The following HIF1AN variants were observed in gnomAD, a reference collection of about 807,000 sequenced individuals.
The protein encoded by HIF1AN is hypoxia inducible factor 1 subunit alpha inhibitor, also known as hypoxia-inducible factor 1-alpha inhibitor.
HIF1AN carries 21 observed loss-of-function variants against 47.7 expected under a neutral mutation model. That is an observed-to-expected ratio of 0.44 (90% CI 0.31 to 0.63). The LOEUF is 0.63. Ranked by LOEUF, HIF1AN falls within the 30% of genes least tolerant of loss-of-function variation. The probability of loss-of-function intolerance (pLI) is 0.07; values close to 1 mark genes in which losing one functional copy is unlikely to be tolerated. For synonymous variants in HIF1AN, 152 were observed against 155.9 expected, an observed-to-expected ratio of 0.98 and a Z score of 0.18; for missense variants, 320 against 432.7, an observed-to-expected ratio of 0.74 and a Z score of 2.31.
At chr10:100,540,916 A>G in intron 3 of HIF1AN, 134 bp downstream of exon 3, 2 of 841,242 alleles carry the variant, frequency 2.4e-6, no homozygotes, top group South Asian at 4.0e-5. Context: ...ACTCAGCTCT[A>G]AAAGAAACAT....
intron 6 of HIF1AN, 83 bp downstream of exon 6, chr10:100,546,664 G>T (rs1417215235): frequency 1.0e-5 from 10 of 1,001,144 alleles, no homozygotes; most frequent in Non-Finnish European, 1.6e-5. Context: ...TTTTGGATGG[G>T]ATGGTTGACT....
At chr10:100,541,175 C>T (rs1488067710) in intron 3 of HIF1AN, among the ~76,000 whole-genome samples, 3 of 152,030 alleles carry the variant, frequency 2.0e-5, no homozygotes, top group Admixed American at 6.5e-5. Context: ...GCCAAGATCA[C>T]GCCACTGCAC....
rs1278934915 is a variant in HIF1AN, at chr10:100,547,438, T to A, written c.1005+188T>A. On this transcript the variant is annotated intron_variant, in intron 7 of 7. Transcript: ENST00000299163. The stretch of plus-strand genomic sequence containing the variant: ...GGCTTGACTGGCAGATCAATTATAA[T>A]TAGTTCCATGCTAGTAGTAATGTTC... Among the ~76,000 whole-genome samples, 3 of 152,352 alleles carry A rather than the reference T, an allele frequency of 2.0e-5. No individual in the cohort carries two copies. The East Asian group carries it at 5.8e-4, about 29-fold the overall frequency.
chr10:100,550,361 C>T lies in HIF1AN; in HGVS notation c.*2224C>T, dbSNP rs1294319422. On this transcript the variant is annotated 3_prime_UTR_variant, in exon 8 of 8. Coordinates refer to ENST00000299163, the MANE Select transcript of HIF1AN (RefSeq NM_017902.3). ...TGTGCCTAGTGCTTTTCTCTTTGTT[C>T]CTCACTATCCTGCAAGGTAGGTATT... The T allele has an allele frequency of 6.6e-6, 1 of 152,156 alleles. No homozygotes were observed. Among genetic ancestry groups the T allele is most frequent in the Admixed American group, 6.5e-5 (1 of 15,276 alleles). 9.4% of individuals were successfully genotyped at this position (152,156 alleles called of 1,614,324 possible).
rs993141377 is a variant in HIF1AN, at chr10:100,556,439, G to A, written c.*8302G>A. 4 of 152,284 alleles carry A rather than the reference G, an allele frequency of 2.6e-5. No individual in the cohort carries two copies. Among genetic ancestry groups the A allele is most frequent in the African/African-American group, 9.7e-5 (4 of 41,444 alleles). The allele number at this position is 152,284 out of a possible 1,614,324, so 9.4% of individuals were successfully genotyped here. ...GAAGGCAAGAAGGAGACCCTGGGAT[G>A]TGCACAAGGATGCAGGAGACGAGAT... On this transcript the variant is annotated 3_prime_UTR_variant, in exon 8 of 8. Coordinates refer to ENST00000299163, the MANE Select transcript of HIF1AN (RefSeq NM_017902.3).
chr10:100,540,528 TG>T, intron 2 of HIF1AN, 105 bp from the exon 3 acceptor site: 1 of 1,245,590 alleles, frequency 8.0e-7, no homozygotes, highest in Non-Finnish European at 1.1e-6. Flanking sequence ...CTGTTCTCTG[TG>T]GGAGATGCTG....
In HIF1AN at chr10:100,555,105, A is replaced by T. The variant is rs1044078208; in HGVS notation, c.*6968A>T. On this transcript the variant is annotated 3_prime_UTR_variant, in exon 8 of 8. Coordinates refer to ENST00000299163, the MANE Select transcript of HIF1AN (RefSeq NM_017902.3). ...ATGTGGAAGATGAATAATTAACCAG[A>T]GGTTGGGGGATTTCCCCCTTAGCTT... 3.1e-4 allele frequency: 47 copies of T among 152,318 alleles called. No individual in the cohort carries two copies. The highest frequency in any genetic ancestry group is 1.1e-3 in the African/African-American group (45 of 41,560). 9.4% of individuals were successfully genotyped at this position (152,318 alleles called of 1,614,324 possible).
chr10:100,545,298 C>T (rs560559421), intron 4 of HIF1AN: 2 of 522,880 alleles, frequency 3.8e-6, no homozygotes, highest in Admixed American at 3.5e-5. Context: ...GTAAGTATAA[C>T]TAGCCCCACA....
In HIF1AN at chr10:100,547,159, G is replaced by T; in HGVS notation, c.914G>T (p.Arg305Ile). ...TTGTAGGGGGCTCCCACCCCTAAGA[G>T]AATTGAATATCCTCTCAAAGCTCAT... ...FWYKGAPTPK[R>I]IEYPLKAHQK... The change falls in exon 7 of 8, where the codon AGA (arginine) becomes ATA (isoleucine). Residue 305 changes from arginine (R) to isoleucine (I), a missense_variant. By Grantham distance (97) the Arg-to-Ile change is moderately conservative. Coordinates refer to ENST00000299163, the MANE Select transcript of HIF1AN (RefSeq NM_017902.3). 6.2e-7 allele frequency: 1 copy of T among 1,613,746 alleles called. No homozygotes were observed. Among genetic ancestry groups the T allele is most frequent in the African/African-American group, 1.3e-5 (1 of 75,038 alleles).
intron 6 of HIF1AN, 73 bp from the exon 7 acceptor site, chr10:100,547,067 G>C (rs1843101073): frequency 9.5e-7 from 1 of 1,053,082 alleles, no homozygotes; most frequent in Admixed American, 2.1e-5. Context: ...AAGGGAGGAT[G>C]GTACTAAGAA....
chr10:100,547,714 T>C (rs1301574482), intron 7 of HIF1AN, among the ~76,000 whole-genome samples: 2 of 152,198 alleles, frequency 1.3e-5, no homozygotes, highest in Non-Finnish European at 2.9e-5. Context: ...TGTTGGGAGA[T>C]AGCATCAGCC....
chr10:100,549,059 TGC>T lies in HIF1AN; in HGVS notation c.*924_*925del, dbSNP rs1194314936. 45 of 117,054 alleles carry T rather than the reference TGC, an allele frequency of 3.8e-4. No individual in the cohort carries two copies. The highest frequency in any genetic ancestry group is 4.8e-4 in the East Asian group (2 of 4,156). 7.3% of individuals were successfully genotyped at this position (117,054 alleles called of 1,614,324 possible). On this transcript the variant is annotated 3_prime_UTR_variant, in exon 8 of 8. Coordinates refer to ENST00000299163, the MANE Select transcript of HIF1AN (RefSeq NM_017902.3). ...AAGCCTCTGGGTGTGTGTGTGTGTG[TGC>T]GTGCGTGTGTGTGTGTGTGTCCGTG...
rs1843209517 is a variant in HIF1AN at position 100,555,734 on chromosome 10, C to T, written c.*7597C>T. On this transcript the variant is annotated 3_prime_UTR_variant, in exon 8 of 8. Transcript: ENST00000299163. ...GGCCTTGGAAACCTTCTCTTTGGCT[C>T]TAGCTAATTTTGCTGTTTTATTCCG... is the stretch of plus-strand genomic sequence containing the variant. The T allele has an allele frequency of 1.3e-5, 2 of 152,286 alleles. No individual in the cohort carries two copies. The highest frequency in any genetic ancestry group is 2.1e-4 in the South Asian group (1 of 4,834). The allele number at this position is 152,286 out of a possible 1,614,324, so 9.4% of individuals were successfully genotyped here.
rs929612233 is a variant in HIF1AN at position 100,551,394 on chromosome 10, T to C, written c.*3257T>C. On this transcript the variant is annotated 3_prime_UTR_variant, in exon 8 of 8. Coordinates refer to ENST00000299163, the MANE Select transcript of HIF1AN (RefSeq NM_017902.3). The stretch of plus-strand genomic sequence containing the variant: ...GAGACAGAGAGGGGAAGGATCCTTA[T>C]CAGTGGGCCAGCCCAGTATGGGGAG... 1 of 152,228 alleles carries C rather than the reference T, an allele frequency of 6.6e-6. No homozygotes were observed. The highest frequency in any genetic ancestry group is 2.4e-5 in the African/African-American group (1 of 41,462). The allele number at this position is 152,228 out of a possible 1,614,324, so 9.4% of individuals were successfully genotyped here.
chr10:100,539,298 T>C (rs1352139731), intron 2 of HIF1AN, among the ~76,000 whole-genome samples: 1 of 152,094 alleles, frequency 6.6e-6, no homozygotes, highest in Non-Finnish European at 1.5e-5. Context: ...TTTTTTAGGT[T>C]TGCACACTTA....
chr10:100,559,219 G>A lies in HIF1AN; in HGVS notation c.*11082G>A, dbSNP rs1843238513. ...TAAGTACTTGATCAGGTTTTGTCTT[G>A]GTCAGATAAATTAAGTACTTAAGGA... On this transcript the variant is annotated 3_prime_UTR_variant, in exon 8 of 8. Transcript: ENST00000299163. 1 of 151,782 alleles carries A rather than the reference G, an allele frequency of 6.6e-6. No individual in the cohort carries two copies. Among genetic ancestry groups the A allele is most frequent in the Non-Finnish European group, 1.5e-5 (1 of 67,974 alleles). The allele number at this position is 151,782 out of a possible 1,614,324, so 9.4% of individuals were successfully genotyped here. A position where few individuals can be genotyped will look rare whatever the true frequency, so the allele number is the denominator to read the frequency against.
chr10:100,542,191 G>A (rs1250189709), intron 3 of HIF1AN, among the ~76,000 whole-genome samples: 1 of 151,412 alleles, frequency 6.6e-6, no homozygotes, highest in African/African-American at 2.4e-5. Flanking sequence ...TAATCTTATG[G>A]GAGCACTATC....
chr10:100,546,678 C>CCAT, intron 6 of HIF1AN, 97 bp downstream of exon 6: 8 of 887,744 alleles, frequency 9.0e-6, no homozygotes, highest in East Asian at 2.4e-5. Context: ...GTTGACTATC[C>CCAT]CTGGAAGTGA....
rs1047877436 is a variant in HIF1AN at position 100,553,056 on chromosome 10, A to G, written c.*4919A>G. The G allele has an allele frequency of 5.9e-5, 9 of 152,274 alleles. No homozygotes were observed. Among genetic ancestry groups the G allele is most frequent in the Admixed American group, 5.9e-4 (9 of 15,272 alleles). 9.4% of individuals were successfully genotyped at this position (152,274 alleles called of 1,614,324 possible). ...GGGGCGTGTGGTCAGTGAGGCCTCC[A>G]GAGGTGGGTTAGGGGTGGGCACCTA... On this transcript the variant is annotated 3_prime_UTR_variant, in exon 8 of 8. Transcript: ENST00000299163.
Sources: gnomAD v4.1 joint callset for allele counts (sites outside exome capture counted in the v4.1 genomes callset) on GRCh38, gnomAD v4.1.1 for gene constraint, MANE v1.5 for transcripts, NCBI Gene and HGNC (gene_info 2026-07-23, HGNC 2026-07-21) for gene names.